Variants in KNDC1 observed in about 807,000 individuals in gnomAD.
KNDC1 encodes the protein kinase non-catalytic C-lobe domain containing 1, also known as kinase non-catalytic C-lobe domain-containing protein 1.
Under a neutral mutation model 172.8 loss-of-function variants are expected in KNDC1, and 106 were observed. That is an observed-to-expected ratio of 0.61 (90% CI 0.52 to 0.72). KNDC1 has a LOEUF of 0.72. KNDC1 is among the 30% of genes least tolerant of loss of function. The pLI, the probability that KNDC1 is intolerant of heterozygous loss-of-function variation, is 0.00. For synonymous variants in KNDC1, 1,083 were observed against 1,062.2 expected (o/e 1.02, Z -0.38); for missense variants, 2,325 against 2,394.5 (o/e 0.97, Z 0.61).
At chr10:133,214,377 C>G (rs1845435579) in intron 26 of KNDC1, among the ~76,000 whole-genome samples, 1 of 152,228 alleles carries the variant, frequency 6.6e-6, no homozygotes, top group Non-Finnish European at 1.5e-5. Context: ...ACATCCACAT[C>G]CACGGCCACT....
At chr10:133,174,545 TGATGGTTG>T (rs1412236676) in intron 3 of KNDC1, among the ~76,000 whole-genome samples, 1 of 152,202 alleles carries the variant, frequency 6.6e-6, no homozygotes, top group Non-Finnish European at 1.5e-5. Context: ...ATAAATGGAT[TGATGGTTG>T]GAGCATAGAT....
chr10:133,175,328 ATGTGGTTGGATAGAT>A (rs1853501383), intron 3 of KNDC1, among the ~76,000 whole-genome samples: 1 of 104,730 alleles, frequency 9.5e-6, no homozygotes, highest in Non-Finnish European at 2.2e-5. Context: ...GTAGATGGAC[ATGTGGTTGGATAGAT>A]AAGTGGATGG....
At chr10:133,218,355 A>AG (rs1845510481) in intron 26 of KNDC1, among the ~76,000 whole-genome samples, 1 of 152,174 alleles carries the variant, frequency 6.6e-6, no homozygotes, top group African/African-American at 2.4e-5. Context: ...GCCCCGGAGG[A>AG]GGGGGCGGCA....
rs777884327 is a variant in KNDC1, at chr10:133,220,017, C to A, written c.4923C>A (p.Thr1641=). Reference sequence around the variant, plus strand: ...GGCGGCGCTTCCGGGCGCAGCCCACCCTGCCCTCGGCCCACCTCCTGGCCA... The same window carrying A: ...GGCGGCGCTTCCGGGCGCAGCCCACACTGCCCTCGGCCCACCTCCTGGCCA... The part of the protein sequence containing the change: ...MEGRRFRAQP[T]LPSAHLLAMH... The change falls in exon 29 of 30, where the codon ACC becomes ACA. Residue 1641 remains threonine (T), a synonymous_variant. Coordinates refer to ENST00000304613, the MANE Select transcript of KNDC1 (RefSeq NM_152643.8). The A allele has an allele frequency of 1.3e-6, 2 of 1,554,602 alleles. No homozygotes were observed. The highest frequency in any genetic ancestry group is 2.7e-5 in the African/African-American group (2 of 73,436).
At chr10:133,213,002 C>T (rs1298186238) in intron 24 of KNDC1, 80 bp downstream of exon 24, 8 of 1,262,744 alleles carry the variant, frequency 6.3e-6, no homozygotes, top group Non-Finnish European at 8.8e-6. Context: ...GGGCCCTCAG[C>T]GGCTGCTTCC....
chr10:133,212,920 C>T lies in KNDC1; in HGVS notation c.4441C>T (p.Gln1481Ter). Reference protein sequence around the residue: ...QLFSQLTLLQQELFQKCHPVH... With the variant: ...QLFSQLTLLQ ...CTTCAGCCAGCTCACGCTGCTACAG[C>T]AGGTGAGGAGGGCGAGGATCTGCGC... Residue 1481 changes from glutamine to a stop codon, truncating the protein, a stop_gained and splice_region_variant, in exon 24 of 30, where the codon CAG becomes TAG. Coordinates refer to ENST00000304613, the MANE Select transcript of KNDC1 (RefSeq NM_152643.8). LOFTEE classifies it high-confidence loss of function. The T allele has an allele frequency of 6.2e-7, 1 of 1,610,254 alleles. No individual in the cohort carries two copies. The highest frequency in any genetic ancestry group is 8.5e-7 in the Non-Finnish European group (1 of 1,177,352).
Position 133,224,026 on chromosome 10 carries a change from C to CGTGT in KNDC1, c.5019-623_5019-620dup, listed in dbSNP as rs1303845206. Among the ~76,000 whole-genome samples, 1 of 130,756 alleles carries CGTGT rather than the reference C, an allele frequency of 7.6e-6. No homozygotes were observed. The highest frequency in any genetic ancestry group is 2.9e-5 in the African/African-American group (1 of 34,210). The allele number at this position is 130,756 out of a possible 152,430, so 85.8% of individuals were successfully genotyped here. ...GCCCATCCAGGCATGCTCTTCCCGGCGTGTGTGTGTGTGAGAGCCCATCCA... is the reference window on the plus strand; with the variant it reads ...GCCCATCCAGGCATGCTCTTCCCGGCGTGTGTGTGTGTGTGTGAGAGCCCATCCA... On this transcript the variant is annotated intron_variant, in intron 29 of 29. Coordinates refer to ENST00000304613, the MANE Select transcript of KNDC1 (RefSeq NM_152643.8). The surrounding 1 kb of genome is among the most constrained non-coding windows in gnomAD (Gnocchi z 5.4).
Position 133,207,131 on chromosome 10 carries a change from C to G in KNDC1, c.3580-6C>G, listed in dbSNP as rs1365719377. 2.5e-6 allele frequency: 4 copies of G among 1,578,348 alleles called. No homozygotes were observed. Among genetic ancestry groups the G allele is most frequent in the Non-Finnish European group, 1.7e-6 (2 of 1,163,102 alleles). Reference sequence around the variant, plus strand: ...GTGACCAAGCGCCCGTGTCCCGCTCCGGCAGGTCATGTACGCGGAACGCTG... The same window carrying G: ...GTGACCAAGCGCCCGTGTCCCGCTCGGGCAGGTCATGTACGCGGAACGCTG... On this transcript the variant is annotated splice_region_variant and splice_polypyrimidine_tract_variant and intron_variant, in intron 19 of 29. Transcript: ENST00000304613.
At chr10:133,211,626 C>G in intron 22 of KNDC1, 53 bp from the exon 23 acceptor site, 1 of 1,596,190 alleles carries the variant, frequency 6.3e-7, no homozygotes, top group Non-Finnish European at 8.6e-7. Context: ...TGGGAGGTGC[C>G]GCCCTCCTCC....
At chr10:133,217,476 A>T (rs1459982121) in intron 26 of KNDC1, among the ~76,000 whole-genome samples, 1 of 152,264 alleles carries the variant, frequency 6.6e-6, no homozygotes, top group Admixed American at 6.5e-5. Flanking sequence ...TAATCCCAGC[A>T]CTTTGGGAGT....
intron 26 of KNDC1, among the ~76,000 whole-genome samples, chr10:133,215,718 C>T (rs968678393): frequency 6.6e-6 from 1 of 152,280 alleles, no homozygotes; most frequent in African/African-American, 2.4e-5. Context: ...CTGCCCCTCC[C>T]AGCCTGAGAC....
rs1251952674 is a variant in KNDC1 at position 133,199,150 on chromosome 10, C to T, written c.2642C>T (p.Ala881Val). The change falls in exon 14 of 30, where the codon GCC (alanine) becomes GTC (valine). Residue 881 changes from alanine (A) to valine (V), a missense_variant. Physicochemically the swap from Ala to Val is moderately conservative, Grantham distance 64 (BLOSUM62 0). Transcript: ENST00000304613. Reference protein sequence around the residue: ...DRRLCLPCVDASPLPGRTACP... With the variant: ...DRRLCLPCVDVSPLPGRTACP... ...AGGCTCTGTCTGCCCTGCGTGGATG[C>T]CTCGCCACTCCCAGGGAGGACGGCC... 1 of 1,593,452 alleles carries T rather than the reference C, an allele frequency of 6.3e-7. No homozygotes were observed. The highest frequency in any genetic ancestry group is 1.8e-5 in the Admixed American group (1 of 56,720).
chr10:133,180,198 C>A (rs546397307), intron 3 of KNDC1, among the ~76,000 whole-genome samples: 3 of 152,380 alleles, frequency 2.0e-5, no homozygotes, highest in Admixed American at 2.0e-4. Flanking sequence ...TGTCTCCTGA[C>A]CCCCGCGGGC....
At chr10:133,167,250 AG>A in intron 1 of KNDC1, 130 bp from the exon 2 acceptor site, 1 of 797,376 alleles carries the variant, frequency 1.3e-6, no homozygotes. Flanking sequence ...CGTGGTCTAA[AG>A]CCCTTTCCCT....
In KNDC1 at chr10:133,198,718, G is replaced by A. The variant is rs1196806902; in HGVS notation, c.2210G>A (p.Gly737Glu). 4 of 1,576,708 alleles carry A rather than the reference G, an allele frequency of 2.5e-6. No homozygotes were observed. The highest frequency in any genetic ancestry group is 3.4e-6 in the Non-Finnish European group (4 of 1,162,238). Residue 737 changes from glycine to glutamate, a missense_variant, in exon 14 of 30, where the codon GGG (glycine) becomes GAG (glutamate). Gly to Glu is a moderately conservative substitution (Grantham distance 98). Transcript: ENST00000304613. ...KTPDGPVPGP[G>E]PQGAAPEPLG... ...CCTGACGGGCCGGTGCCTGGTCCGG[G>A]GCCACAGGGAGCAGCCCCAGAGCCT...
At chr10:133,196,425 C>T (rs930394890) in intron 10 of KNDC1, among the ~76,000 whole-genome samples, 4 of 152,036 alleles carry the variant, frequency 2.6e-5, no homozygotes, top group Non-Finnish European at 5.9e-5. Context: ...GGGGAGGAGC[C>T]GAGCTGGGTG....
intron 16 of KNDC1, among the ~76,000 whole-genome samples, chr10:133,201,078 C>T (rs1854349347): frequency 6.6e-6 from 1 of 152,220 alleles, no homozygotes; most frequent in African/African-American, 2.4e-5. Context: ...TCCTGGATGG[C>T]AGGAAAGCCC....
chr10:133,189,878 A>C, intron 9 of KNDC1, 65 bp downstream of exon 9: 1 of 1,203,022 alleles, frequency 8.3e-7, no homozygotes, highest in Admixed American at 2.0e-5. Flanking sequence ...CACGTCCCCC[A>C]TCTGTCCAGC....
At chr10:133,219,916 CCT>C (rs1845547402) in intron 28 of KNDC1, 37 bp from the exon 29 acceptor site, 5 of 1,537,194 alleles carry the variant, frequency 3.3e-6, no homozygotes, top group Non-Finnish European at 4.4e-6. Flanking sequence ...CTGACCACGC[CCT>C]GTCTCTCCCC....
Sources: allele counts gnomAD v4.1 joint callset (sites outside exome capture counted in the v4.1 genomes callset), GRCh38; gene constraint gnomAD v4.1.1; non-coding constraint Gnocchi (gnomAD v3.1); transcripts MANE v1.5; gene names NCBI Gene and HGNC (gene_info 2026-07-23, HGNC 2026-07-21).